The following PCNX1 variants were observed in gnomAD, a reference collection of about 807,000 sequenced individuals.
PCNX1 encodes pecanex 1.
In PCNX1, 78 loss-of-function variants were observed where a neutral mutation model predicts 242.2. That is an observed-to-expected ratio of 0.32 (90% CI 0.27 to 0.39). The LOEUF (loss-of-function observed/expected upper bound fraction) is 0.39, where lower values mean the gene tolerates loss of function less well. Ranked by LOEUF, PCNX1 falls within the 10% of genes least tolerant of loss-of-function variation. The pLI is 1.00. For synonymous variants in PCNX1, 1,024 were observed against 1,032.9 expected, an observed-to-expected ratio of 0.99 and a Z score of 0.17; for missense variants, 2,581 against 2,856.5, an observed-to-expected ratio of 0.90 and a Z score of 2.20.
chr14:71,076,345 G>A lies in PCNX1; in HGVS notation c.5263G>A (p.Ala1755Thr), dbSNP rs750684712. The A allele has an allele frequency of 1.2e-6, 2 of 1,613,934 alleles. No homozygotes were observed. Among genetic ancestry groups the A allele is most frequent in the Admixed American group, 3.3e-5 (2 of 60,008 alleles). Residue 1755 changes from alanine to threonine, a missense_variant, in exon 28 of 36, where the codon GCA becomes ACA. Physicochemically the swap from Ala to Thr is moderately conservative, Grantham distance 58 (BLOSUM62 0). Around this residue, in one of 9 missense-constraint regions of PCNX1, gnomAD observed 298 missense variants for 480.1 expected, o/e 0.62. Coordinates refer to ENST00000304743, the MANE Select transcript of PCNX1 (RefSeq NM_014982.3). ...TGATGAAGACTATGACCACCGACTGGCAGGCATATCTAGGGAGAGTTTCTG... is the reference window on the plus strand; with the variant it reads ...TGATGAAGACTATGACCACCGACTGACAGGCATATCTAGGGAGAGTTTCTG... ...NIDEDYDHRL[A>T]GISRESFCVI...
At chr14:70,954,242 CTCTGTTCTGT>C (rs138159098) in intron 2 of PCNX1, among the ~76,000 whole-genome samples, 33 of 152,198 alleles carry the variant, frequency 2.2e-4, no homozygotes, top group South Asian at 1.7e-3. Context: ...TTTCTGGGCT[CTCTGTTCTGT>C]TCTGTTCTGT....
intron 19 of PCNX1, among the ~76,000 whole-genome samples, chr14:71,043,054 T>G (rs2060754843): frequency 6.6e-6 from 1 of 152,154 alleles, no homozygotes; most frequent in Non-Finnish European, 1.5e-5. Flanking sequence ...TTTTGAAGGA[T>G]AAAGCTTTTC....
chr14:71,069,672 A>G (rs2061542162), intron 26 of PCNX1, among the ~76,000 whole-genome samples: 1 of 152,236 alleles, frequency 6.6e-6, no homozygotes, highest in African/African-American at 2.4e-5. Flanking sequence ...ATTATGGCTA[A>G]AGAAAGAATG....
chr14:71,028,921 T>G, intron 16 of PCNX1, 130 bp downstream of exon 16: 1 of 527,042 alleles, frequency 1.9e-6, no homozygotes, highest in Non-Finnish European at 3.3e-6. Flanking sequence ...CTTCATATGT[T>G]AAACATTATT....
chr14:70,946,344 A>G (rs187042527), intron 1 of PCNX1, among the ~76,000 whole-genome samples: 1 of 152,326 alleles, frequency 6.6e-6, no homozygotes, highest in Non-Finnish European at 1.5e-5. Context: ...TATCCTAAAA[A>G]ACGGTTGCAC....
chr14:71,088,311 G>A lies in PCNX1; in HGVS notation c.5338-19G>A. The A allele has an allele frequency of 6.9e-7, 1 of 1,445,204 alleles. No homozygotes were observed. The highest frequency in any genetic ancestry group is 1.8e-4 in the Middle Eastern group (1 of 5,708). The allele number at this position is 1,445,204 out of a possible 1,614,324, so 89.5% of individuals were successfully genotyped here. On this transcript the variant is annotated intron_variant, in intron 28 of 35. Transcript: ENST00000304743. The stretch of plus-strand genomic sequence containing the variant: ...CTTACATACCTTTCTGATAACTAAT[G>A]TTTTTTGTTTTTTTAAAGCCTGTGG...
At chr14:71,076,010 A>T (rs2061709068) in intron 27 of PCNX1, among the ~76,000 whole-genome samples, 179 bp from the exon 28 acceptor site, 1 of 152,076 alleles carries the variant, frequency 6.6e-6, no homozygotes. Context: ...ATATTATTAT[A>T]GTATTCTTAA....
At chr14:71,014,941 G>A (rs895875061) in intron 11 of PCNX1, among the ~76,000 whole-genome samples, 1 of 152,024 alleles carries the variant, frequency 6.6e-6, no homozygotes, top group Non-Finnish European at 1.5e-5. Context: ...CAAAACCAGT[G>A]ATAAAATTGT....
intron 3 of PCNX1, among the ~76,000 whole-genome samples, chr14:70,963,068 T>C (rs2058270702): frequency 6.6e-6 from 1 of 152,220 alleles, no homozygotes; most frequent in African/African-American, 2.4e-5. Flanking sequence ...CTGATTTATA[T>C]CAGGGTCTGG....
chr14:71,073,217 G>A (rs1206205399), intron 26 of PCNX1, among the ~76,000 whole-genome samples: 1 of 152,182 alleles, frequency 6.6e-6, no homozygotes, highest in Non-Finnish European at 1.5e-5. Context: ...ACTTGAACCG[G>A]GACCCAGGAG....
chr14:70,950,765 A>G (rs1199405238), intron 2 of PCNX1, among the ~76,000 whole-genome samples: 1 of 151,814 alleles, frequency 6.6e-6, no homozygotes, highest in Non-Finnish European at 1.5e-5. Flanking sequence ...ATTGCCATTT[A>G]TATTTGTTAT....
rs1196396432 is a variant in PCNX1 at position 70,977,151 on chromosome 14, C to A, written c.814C>A (p.His272Asn). 6.2e-7 allele frequency: 1 copy of A among 1,613,970 alleles called. No individual in the cohort carries two copies. The highest frequency in any genetic ancestry group is 1.3e-5 in the African/African-American group (1 of 74,886). ...EVASLVPLHS[H>N]SYRKDHRPRG... Reference sequence around the variant, plus strand: ...AGCTTCTCTTGTACCTTTACACTCACACTCTTATAGAAAAGACCACCGGCC... The same window carrying A: ...AGCTTCTCTTGTACCTTTACACTCAAACTCTTATAGAAAAGACCACCGGCC... The change falls in exon 6 of 36, where the codon CAC becomes AAC. Residue 272 changes from histidine to asparagine, a missense_variant. Physicochemically the swap from His to Asn is moderately conservative, Grantham distance 68. Around this residue, in one of 9 missense-constraint regions of PCNX1, gnomAD observed 1,204 missense variants for 1,216.7 expected, o/e 0.99. Transcript: ENST00000304743.
intron 15 of PCNX1, among the ~76,000 whole-genome samples, chr14:71,027,903 G>T (rs905482479): frequency 5.1e-4 from 77 of 151,888 alleles, no homozygotes; most frequent in Non-Finnish European, 1.0e-4. Context: ...GGAGGGCTTA[G>T]TGTAGGTAAT....
chr14:70,952,090 G>T (rs1191181765), intron 2 of PCNX1, among the ~76,000 whole-genome samples: 3 of 151,896 alleles, frequency 2.0e-5, no homozygotes, highest in Non-Finnish European at 2.9e-5. Context: ...AGAATGATGA[G>T]GAAAATAATG....
intron 1 of PCNX1, among the ~76,000 whole-genome samples, chr14:70,919,952 A>G (rs898265394): frequency 6.6e-6 from 1 of 152,062 alleles, no homozygotes; most frequent in East Asian, 1.9e-4. Flanking sequence ...AACGAGCCAA[A>G]TAGAACCCTG....
intron 25 of PCNX1, among the ~76,000 whole-genome samples, chr14:71,055,789 T>G (rs2061168145): frequency 6.6e-6 from 1 of 152,198 alleles, no homozygotes; most frequent in Non-Finnish European, 1.5e-5. Context: ...CTTATAAGAA[T>G]GAAAAATTCC....
chr14:70,962,513 C>T (rs1217738653), intron 3 of PCNX1, among the ~76,000 whole-genome samples, 182 bp downstream of exon 3: 1 of 152,086 alleles, frequency 6.6e-6, no homozygotes, highest in Non-Finnish European at 1.5e-5. Context: ...TGATTAATTA[C>T]AGATTTGTTG....
At chr14:70,926,022 A>G (rs1400435337) in intron 1 of PCNX1, among the ~76,000 whole-genome samples, 1 of 152,142 alleles carries the variant, frequency 6.6e-6, no homozygotes, top group African/African-American at 2.4e-5. Context: ...CCGGGATCCA[A>G]AACTCAGAGC....
intron 26 of PCNX1, 88 bp downstream of exon 26, chr14:71,057,812 A>C: frequency 1.1e-6 from 1 of 873,878 alleles, no homozygotes; most frequent in Non-Finnish European, 1.8e-6. Context: ...AGAAGTTGTC[A>C]TAGAATTAGA....
Sources: gnomAD v4.1 joint callset for allele counts (sites outside exome capture counted in the v4.1 genomes callset) on GRCh38, gnomAD v4.1.1 for gene constraint, gnomAD v4.1.1 regional missense constraint, MANE v1.5 for transcripts, NCBI Gene and HGNC (gene_info 2026-07-23, HGNC 2026-07-21) for gene names.